Variants in CAPN9 observed in about 807,000 individuals in gnomAD.
The protein encoded by CAPN9 is calpain-9.
A neutral mutation model predicts 92.8 loss-of-function variants in CAPN9; 81 were observed. That is an observed-to-expected ratio of 0.87 (90% CI 0.73 to 1.05). The LOEUF (loss-of-function observed/expected upper bound fraction) is 1.05. Ranked by LOEUF, CAPN9 falls within the 50% of genes least tolerant of loss-of-function variation. The pLI is 0.00. For missense variants in CAPN9, 848 were observed against 866.2 expected, an observed-to-expected ratio of 0.98 and a Z score of 0.26; for synonymous variants, 304 against 328.0, an observed-to-expected ratio of 0.93 and a Z score of 0.79.
chr1:230,754,925 G>A (rs1256948766), intron 1 of CAPN9, among the ~76,000 whole-genome samples: 1 of 152,214 alleles, frequency 6.6e-6, no homozygotes, highest in Non-Finnish European at 1.5e-5. Flanking sequence ...CCAGCCTGTG[G>A]TACATGCATT....
At chr1:230,748,058 G>C (rs1380666624) in intron 1 of CAPN9, among the ~76,000 whole-genome samples, 1 of 152,208 alleles carries the variant, frequency 6.6e-6, no homozygotes, top group African/African-American at 2.4e-5. Flanking sequence ...CCTGTGTGTG[G>C]TAACACTGAG....
chr1:230,751,358 G>A (rs74144827), intron 1 of CAPN9, among the ~76,000 whole-genome samples: 19,654 of 151,806 alleles, frequency 0.13, 1,496 homozygotes, highest in African/African-American at 0.19. Flanking sequence ...AGACCTTGCT[G>A]GAAATGTGGC....
In CAPN9 at chr1:230,747,439, T is replaced by C; in HGVS notation, c.-58T>C. On this transcript the variant is annotated 5_prime_UTR_variant, in exon 1 of 20. Coordinates refer to ENST00000271971, the MANE Select transcript of CAPN9 (RefSeq NM_006615.3). ...TTCTTGACCGGCACACACAGCTCGC[T>C]TCTTCACTTTCTTTTCCATCCACTG... 6.9e-7 allele frequency: 1 copy of C among 1,458,558 alleles called. No individual in the cohort carries two copies. The highest frequency in any genetic ancestry group is 1.1e-5 in the South Asian group (1 of 87,748). The allele number at this position is 1,458,558 out of a possible 1,614,324, so 90.4% of individuals were successfully genotyped here. A position where few individuals can be genotyped will look rare whatever the true frequency, so the allele number is the denominator to read the frequency against.
At position 230,747,573 on chromosome 1, in the gene CAPN9, G is replaced by A. The variant is rs1487899257; in HGVS notation, c.77G>A (p.Gly26Asp). The A allele has an allele frequency of 1.9e-6, 3 of 1,614,178 alleles. No individual in the cohort carries two copies. The highest frequency in any genetic ancestry group is 2.5e-6 in the Non-Finnish European group (3 of 1,180,034). The change falls in exon 1 of 20, where the codon GGC becomes GAC. Residue 26 changes from glycine (G) to aspartate (D), a missense_variant. Coordinates refer to ENST00000271971, the MANE Select transcript of CAPN9 (RefSeq NM_006615.3). ...PKDARITHSS[G>D]QSFEQMRQEC... ...GACGCCCGGATCACCCACTCCTCAGGCCAGAGCTTTGAGCAAATGAGGCAG... is the reference window on the plus strand; with the variant it reads ...GACGCCCGGATCACCCACTCCTCAGACCAGAGCTTTGAGCAAATGAGGCAG...
rs374228592 is a variant in CAPN9, at chr1:230,791,157, T to C, written c.1658-707T>C. The stretch of plus-strand genomic sequence containing the variant: ...GGCCACGTGGGTTGTTACCGGTTTT[T>C]GGTCATTATGAATAATGCAACTGTA... On this transcript the variant is annotated intron_variant, in intron 14 of 19. Coordinates refer to ENST00000271971, the MANE Select transcript of CAPN9 (RefSeq NM_006615.3). Among the ~76,000 whole-genome samples, 37 of 152,304 alleles carry C rather than the reference T, an allele frequency of 2.4e-4. 1 individual carries two copies. The highest frequency in any genetic ancestry group is 8.2e-4 in the African/African-American group (34 of 41,556).
At chr1:230,791,756 C>A in intron 14 of CAPN9, 108 bp from the exon 15 acceptor site, 1 of 761,452 alleles carries the variant, frequency 1.3e-6, no homozygotes, top group Non-Finnish European at 2.3e-6. Context: ...AGCCACATCA[C>A]AGCCCCCAAC....
chr1:230,772,177 G>C (rs1666428927), intron 7 of CAPN9, 78 bp downstream of exon 7: 23 of 1,203,246 alleles, frequency 1.9e-5, no homozygotes, highest in Admixed American at 3.4e-5. Flanking sequence ...GACATGTGAA[G>C]GAGTGGCCTG....
In CAPN9 at chr1:230,795,289, C is replaced by T; in HGVS notation, c.1987+10C>T. ...CTGGAGAATGCGAGCCGTAAGTGTCCAGCGAGGCTGAGGGTGCACCTCGGG... is the reference window on the plus strand; with the variant it reads ...CTGGAGAATGCGAGCCGTAAGTGTCTAGCGAGGCTGAGGGTGCACCTCGGG... On this transcript the variant is annotated intron_variant, in intron 18 of 19. Transcript: ENST00000271971. 3.2e-6 allele frequency: 5 copies of T among 1,574,264 alleles called. No individual in the cohort carries two copies. Among genetic ancestry groups the T allele is most frequent in the Non-Finnish European group, 4.4e-6 (5 of 1,144,050 alleles).
At chr1:230,795,139 G>C (rs769453430) in intron 17 of CAPN9, 24 bp from the exon 18 acceptor site, 1 of 1,486,324 alleles carries the variant, frequency 6.7e-7, no homozygotes, top group Non-Finnish European at 9.4e-7. Flanking sequence ...AGCGAGTCCT[G>C]GGTCTCCTCC....
chr1:230,756,119 G>C (rs1479079189), intron 2 of CAPN9, among the ~76,000 whole-genome samples: 1 of 152,018 alleles, frequency 6.6e-6, no homozygotes, highest in Non-Finnish European at 1.5e-5. Context: ...AATCAGCCTA[G>C]AGAACAAACC....
chr1:230,771,646 A>C (rs1193983298), intron 6 of CAPN9, among the ~76,000 whole-genome samples: 1 of 152,232 alleles, frequency 6.6e-6, no homozygotes, highest in East Asian at 1.9e-4. Context: ...TAGATGCTGA[A>C]GATGCCTAAG....
chr1:230,782,837 A>G (rs1667319254), intron 11 of CAPN9, among the ~76,000 whole-genome samples: 1 of 152,008 alleles, frequency 6.6e-6, no homozygotes, highest in South Asian at 2.1e-4. Context: ...GCCAACACAG[A>G]GAAACCCTAT....
chr1:230,792,762 C>A, intron 16 of CAPN9, 88 bp from the exon 17 acceptor site: 1 of 1,123,392 alleles, frequency 8.9e-7, no homozygotes, highest in Non-Finnish European at 1.3e-6. Context: ...GAGGGTAGCT[C>A]CCCCGGGCTG....
chr1:230,762,140 G>A (rs1434882652), intron 3 of CAPN9, among the ~76,000 whole-genome samples: 3 of 152,192 alleles, frequency 2.0e-5, no homozygotes, highest in African/African-American at 7.2e-5. Flanking sequence ...GAGTCCACCT[G>A]CCTCCTATGT....
chr1:230,765,259 A>AC (rs1665908733), intron 4 of CAPN9, among the ~76,000 whole-genome samples: 3 of 146,176 alleles, frequency 2.1e-5, no homozygotes, highest in Admixed American at 7.0e-5. Context: ...ACACACACAC[A>AC]AATGAGGTTA....
intron 17 of CAPN9, among the ~76,000 whole-genome samples, chr1:230,793,250 T>C (rs1668129502): frequency 6.6e-6 from 1 of 152,244 alleles, no homozygotes; most frequent in Non-Finnish European, 1.5e-5. Context: ...ACTTAACACA[T>C]GGCTCTTTGG....
intron 11 of CAPN9, among the ~76,000 whole-genome samples, chr1:230,780,926 T>C (rs113649445): frequency 0.053 from 8,066 of 151,888 alleles, 691 homozygotes; most frequent in African/African-American, 0.18. Context: ...AGTGCAATGG[T>C]GCCATCTCAG....
chr1:230,791,236 A>G (rs1042725981), intron 14 of CAPN9, among the ~76,000 whole-genome samples: 2 of 152,200 alleles, frequency 1.3e-5, no homozygotes, highest in Admixed American at 6.5e-5. Context: ...TCTCCTGGGT[A>G]TATAGTTATG....
intron 3 of CAPN9, among the ~76,000 whole-genome samples, chr1:230,762,147 A>G (rs7523730): frequency 0.24 from 36,538 of 152,172 alleles, 5,526 homozygotes; most frequent in Non-Finnish European, 0.35. Flanking sequence ...CCTGCCTCCT[A>G]TGTGAATGGC....
Sources: gnomAD v4.1 joint callset for allele counts (sites outside exome capture counted in the v4.1 genomes callset) on GRCh38, gnomAD v4.1.1 for gene constraint, MANE v1.5 for transcripts, NCBI Gene and HGNC (gene_info 2026-07-23, HGNC 2026-07-21) for gene names.